The following RSBN1 variants were observed in gnomAD, a reference collection of about 807,000 sequenced individuals.
RSBN1 encodes lysine-specific demethylase 9.
Under a neutral mutation model 74.8 loss-of-function variants are expected in RSBN1, and 23 were observed. The observed-to-expected ratio is 0.31, with a 90% CI of 0.22 to 0.44. RSBN1 has a LOEUF of 0.44. RSBN1 is among the 20% of genes least tolerant of loss of function. RSBN1 has a pLI of 1.00. For synonymous variants in RSBN1, 407 were observed against 379.6 expected, an observed-to-expected ratio of 1.07 and a Z score of -0.84; for missense variants, 808 against 1,020.9, an observed-to-expected ratio of 0.79 and a Z score of 2.84.
In RSBN1 at chr1:113,765,680, C is replaced by G. The variant is rs1445023990; in HGVS notation, c.*300G>C. 2.7e-5 allele frequency: 7 copies of G among 261,816 alleles called. No homozygotes were observed. The highest frequency in any genetic ancestry group is 5.1e-5 in the Non-Finnish European group (7 of 136,406). The allele number at this position is 261,816 out of a possible 1,614,324, so 16.2% of individuals were successfully genotyped here. A position where few individuals can be genotyped will look rare whatever the true frequency, so the allele number is the denominator to read the frequency against. On this transcript the variant is annotated 3_prime_UTR_variant, in exon 7 of 7. Coordinates refer to ENST00000261441, the MANE Select transcript of RSBN1 (RefSeq NM_018364.5). ...AGTGAATAATTTACCAAACAAGAATCTGTTATTCCAGAGAATTCTCATTTT... is the reference window on the plus strand; with the variant it reads ...AGTGAATAATTTACCAAACAAGAATGTGTTATTCCAGAGAATTCTCATTTT...
At chr1:113,800,983 ATTT>A (rs773750604) in intron 1 of RSBN1, among the ~76,000 whole-genome samples, 2 of 145,806 alleles carry the variant, frequency 1.4e-5, no homozygotes. Context: ...CTGTTTTTCA[ATTT>A]TTTTTTTTTT....
Position 113,804,198 on chromosome 1 carries a change from G to A in RSBN1, c.704-6162C>T, listed in dbSNP as rs138000140. 1.6e-3 allele frequency among the ~76,000 whole-genome samples: 241 copies of A among 152,088 alleles called. 2 individuals carry two copies. Among genetic ancestry groups the A allele is most frequent in the African/African-American group, 5.7e-3 (236 of 41,508 alleles). On this transcript the variant is annotated intron_variant, in intron 1 of 6. Coordinates refer to ENST00000261441, the MANE Select transcript of RSBN1 (RefSeq NM_018364.5). Reference sequence around the variant, plus strand: ...AATTAAATGAGACAATGACTATAAGGCCCTCATCACAATATGTGACACACA... The same window carrying A: ...AATTAAATGAGACAATGACTATAAGACCCTCATCACAATATGTGACACACA...
chr1:113,781,241 A>C (rs553598331), intron 2 of RSBN1, among the ~76,000 whole-genome samples: 1 of 152,302 alleles, frequency 6.6e-6, no homozygotes, highest in Admixed American at 6.5e-5. Flanking sequence ...TTCACATAAG[A>C]ATCCTACTTC....
chr1:113,788,258 A>T (rs1187887786), intron 2 of RSBN1, among the ~76,000 whole-genome samples: 1 of 152,138 alleles, frequency 6.6e-6, no homozygotes, highest in Non-Finnish European at 1.5e-5. Context: ...TACAATTAAT[A>T]AAAGTTTCAG....
chr1:113,797,429 T>C lies in RSBN1; in HGVS notation c.1311A>G (p.Pro437=). The C allele has an allele frequency of 5.0e-6, 8 of 1,614,032 alleles. No individual in the cohort carries two copies. The highest frequency in any genetic ancestry group is 6.8e-6 in the Non-Finnish European group (8 of 1,179,962). The stretch of plus-strand genomic sequence containing the variant: ...TCTTGCCCAGAATTTCCATTTTCAC[T>C]GGAGTGTTGGGGAAATTAAAAGCAA... ...DYFAFNFPNT[P]VKMEILGKKD... is the part of the protein sequence containing the mutation. Residue 437 remains proline (P), a synonymous_variant, in exon 2 of 7, where the codon CCA becomes CCG. Coordinates refer to ENST00000261441, the MANE Select transcript of RSBN1 (RefSeq NM_018364.5).
At chr1:113,794,331 C>A (rs1660428926) in intron 2 of RSBN1, among the ~76,000 whole-genome samples, 1 of 152,188 alleles carries the variant, frequency 6.6e-6, no homozygotes, top group South Asian at 2.1e-4. Flanking sequence ...ATTATGTAAT[C>A]TTTGCAAACA....
intron 3 of RSBN1, 46 bp downstream of exon 3, chr1:113,777,625 C>T (rs1242569594): frequency 1.3e-6 from 2 of 1,546,198 alleles, no homozygotes; most frequent in Non-Finnish European, 1.8e-6. Flanking sequence ...ATAAAGTGCC[C>T]ACTTAAGTAA....
At chr1:113,797,256 C>T (rs1255156233) in intron 2 of RSBN1, 107 bp downstream of exon 2, 1 of 882,216 alleles carries the variant, frequency 1.1e-6, no homozygotes, top group Non-Finnish European at 1.7e-6. Context: ...ACCTTTATTA[C>T]CATAAATTTG....
Position 113,797,609 on chromosome 1 carries a change from C to T in RSBN1, c.1131G>A (p.Met377Ile). ...NGGALVLHAY[M>I]DELSFLSPME... ...TTGGAGACAAAAATGAGAGTTCATC[C>T]ATGTAAGCATGAAGGACAAGAGCAC... Residue 377 changes from methionine to isoleucine, a missense_variant, in exon 2 of 7, where the codon ATG (methionine) becomes ATA (isoleucine). Coordinates refer to ENST00000261441, the MANE Select transcript of RSBN1 (RefSeq NM_018364.5). 6.2e-7 allele frequency: 1 copy of T among 1,613,604 alleles called. No individual in the cohort carries two copies. The highest frequency in any genetic ancestry group is 8.5e-7 in the Non-Finnish European group (1 of 1,179,768).
rs559822911 is a variant in RSBN1, at chr1:113,762,204, T to G, written c.*3776A>C. On this transcript the variant is annotated 3_prime_UTR_variant, in exon 7 of 7. Transcript: ENST00000261441. ...CAGAAAACACTATTACATGAAAATTTACAACATGTGATAGTAGTACATAAG... is the reference window on the plus strand; with the variant it reads ...CAGAAAACACTATTACATGAAAATTGACAACATGTGATAGTAGTACATAAG... 6.5e-6 allele frequency: 1 copy of G among 152,920 alleles called. No individual in the cohort carries two copies. The highest frequency in any genetic ancestry group is 2.1e-4 in the South Asian group (1 of 4,828). 9.5% of individuals were successfully genotyped at this position (152,920 alleles called of 1,614,324 possible).
At chr1:113,789,606 G>A in intron 2 of RSBN1, among the ~76,000 whole-genome samples, 1 of 152,200 alleles carries the variant, frequency 6.6e-6, no homozygotes, top group East Asian at 1.9e-4. Context: ...CTGGTGGGAA[G>A]GAGAGGCCAG....
chr1:113,786,843 G>T (rs757660362), intron 2 of RSBN1, among the ~76,000 whole-genome samples: 4 of 152,120 alleles, frequency 2.6e-5, no homozygotes, highest in Non-Finnish European at 5.9e-5. Flanking sequence ...GCGTGGTGGT[G>T]AGTGCCTGTA....
chr1:113,791,472 G>A (rs1660362025), intron 2 of RSBN1, among the ~76,000 whole-genome samples: 1 of 152,092 alleles, frequency 6.6e-6, no homozygotes, highest in Non-Finnish European at 1.5e-5. Context: ...AGAACACCAA[G>A]CTAAAAAAGC....
At chr1:113,804,896 C>A (rs1351882530) in intron 1 of RSBN1, among the ~76,000 whole-genome samples, 1 of 123,506 alleles carries the variant, frequency 8.1e-6, no homozygotes, top group Admixed American at 8.6e-5. Context: ...AGTTAGGCAA[C>A]TGGTCAAGAG....
chr1:113,797,519 A>C lies in RSBN1; in HGVS notation c.1221T>G (p.Ala407=). The C allele has an allele frequency of 6.2e-7, 1 of 1,613,898 alleles. No homozygotes were observed. Among genetic ancestry groups the C allele is most frequent in the Non-Finnish European group, 8.5e-7 (1 of 1,179,908 alleles). ...GCACTATTGCTAAAGCATAGTAAGC[A>C]GCATTTTTCTCATTTTCACTGAATG... ...ALTFSENEKN[A]AYYALAIVHG... The change falls in exon 2 of 7, where the codon GCT becomes GCG. Residue 407 remains alanine (A), a synonymous_variant. Transcript: ENST00000261441.
At chr1:113,793,487 T>C (rs1571305873) in intron 2 of RSBN1, among the ~76,000 whole-genome samples, 2 of 152,296 alleles carry the variant, frequency 1.3e-5, no homozygotes, top group East Asian at 1.9e-4. Context: ...TTTGGTCTTT[T>C]CCCATGTTCA....
chr1:113,778,632 C>A (rs1249047001), intron 2 of RSBN1, among the ~76,000 whole-genome samples: 1 of 151,982 alleles, frequency 6.6e-6, no homozygotes, highest in Non-Finnish European at 1.5e-5. Context: ...TTATGACAAA[C>A]TTATTTCTAC....
chr1:113,803,515 T>C (rs78399433), intron 1 of RSBN1, among the ~76,000 whole-genome samples: 4,339 of 152,302 alleles, frequency 0.028, 212 homozygotes, highest in African/African-American at 0.098. Context: ...CTGCTTCTCA[T>C]TGGTAAAACC....
intron 4 of RSBN1, among the ~76,000 whole-genome samples, chr1:113,774,470 C>T (rs1571296593): frequency 6.6e-6 from 1 of 151,612 alleles, no homozygotes; most frequent in East Asian, 1.9e-4. Context: ...GTCAGGAGAT[C>T]GAGACCATCC....
Sources: gnomAD v4.1 joint callset for allele counts (sites outside exome capture counted in the v4.1 genomes callset) on GRCh38, gnomAD v4.1.1 for gene constraint, MANE v1.5 for transcripts, NCBI Gene and HGNC (gene_info 2026-07-23, HGNC 2026-07-21) for gene names.